Variants in ATG7 observed in about 807,000 individuals in gnomAD.
The protein encoded by ATG7 is autophagy related 7, also known as ubiquitin-like modifier-activating enzyme ATG7.
Under a neutral mutation model 82.4 loss-of-function variants are expected in ATG7, and 70 were observed. The ratio of observed to expected loss-of-function variants is 0.85; its 90% CI spans 0.70 to 1.04. The LOEUF is 1.04. Ranked by LOEUF, ATG7 falls within the 50% of genes least tolerant of loss-of-function variation. The probability of loss-of-function intolerance (pLI) is 0.00; values close to 1 mark genes in which losing one functional copy is unlikely to be tolerated. For missense variants in ATG7, 792 were observed against 864.3 expected (o/e 0.92, Z 1.05); for synonymous variants, 287 against 313.0 (o/e 0.92, Z 0.88).
At chr3:11,293,518 G>GC (rs1945300544) in intron 3 of ATG7, among the ~76,000 whole-genome samples, 1 of 125,048 alleles carries the variant, frequency 8.0e-6, no homozygotes, top group Non-Finnish European at 1.7e-5. Context: ...ATGACAGAAT[G>GC]AGACTCTGTC....
chr3:11,296,308 C>G (rs1423367188), intron 3 of ATG7, among the ~76,000 whole-genome samples: 1 of 152,174 alleles, frequency 6.6e-6, no homozygotes, highest in Non-Finnish European at 1.5e-5. Flanking sequence ...CAAGGGTCTT[C>G]TCTTTCACTC....
At chr3:11,496,243 C>T (rs1458127440) in intron 20 of ATG7, among the ~76,000 whole-genome samples, 1 of 152,236 alleles carries the variant, frequency 6.6e-6, no homozygotes, top group Non-Finnish European at 1.5e-5. Flanking sequence ...CCAAGCGTTT[C>T]CACTGCTATG....
At chr3:11,514,355 A>G (rs1162090421) in intron 20 of ATG7, among the ~76,000 whole-genome samples, 1 of 152,178 alleles carries the variant, frequency 6.6e-6, no homozygotes, top group Non-Finnish European at 1.5e-5. Context: ...TTTGCAATTC[A>G]TTTTCTTGGG....
chr3:11,331,455 G>T (rs753904614), intron 10 of ATG7, 27 bp downstream of exon 10: 2 of 1,512,388 alleles, frequency 1.3e-6, no homozygotes, highest in Non-Finnish European at 1.8e-6. Context: ...GTGTTTGTCT[G>T]TCTGTCTGCC....
intron 9 of ATG7, among the ~76,000 whole-genome samples, chr3:11,325,821 GTC>G (rs546716110): frequency 4.8e-4 from 73 of 152,168 alleles, no homozygotes; most frequent in Non-Finnish European, 8.8e-4. Context: ...GTAACTCAGT[GTC>G]TCTGTAGGAA....
At chr3:11,567,172 C>T in the ATG7 span, among the ~76,000 whole-genome samples, 13 of 152,150 alleles carry the variant, frequency 8.5e-5, no homozygotes, top group Admixed American at 7.2e-4. Flanking sequence ...CCGAGGCGTT[C>T]CGAGCCTCGG....
In ATG7 at chr3:11,463,214, C is replaced by T. The variant is rs1165170124; in HGVS notation, c.2079+36288C>T. Among the ~76,000 whole-genome samples the T allele has an allele frequency of 2.0e-5, 3 of 151,768 alleles. No individual in the cohort carries two copies. The South Asian group carries it at 6.2e-4, about 32-fold the overall frequency. On this transcript the variant is annotated intron_variant, in intron 20 of 20. Transcript: ENST00000693202. The stretch of plus-strand genomic sequence containing the variant: ...TCAGATATTTCTATCCATTGTCATA[C>T]TCCCACTCTTTCCCTAACTACTACT...
At chr3:11,375,667 C>T (rs1487299089) in intron 18 of ATG7, among the ~76,000 whole-genome samples, 2 of 152,212 alleles carry the variant, frequency 1.3e-5, no homozygotes, top group African/African-American at 4.8e-5. Context: ...TCAAGCAATT[C>T]TTCTGCCTCA....
intron 14 of ATG7, among the ~76,000 whole-genome samples, chr3:11,350,403 T>C (rs936522822): frequency 6.6e-6 from 1 of 152,218 alleles, no homozygotes; most frequent in Non-Finnish European, 1.5e-5. Context: ...TTCATGTTCA[T>C]GGGTGTGCAG....
At chr3:11,493,499 C>T (rs2090567492) in intron 20 of ATG7, among the ~76,000 whole-genome samples, 1 of 152,186 alleles carries the variant, frequency 6.6e-6, no homozygotes, top group South Asian at 2.1e-4. Flanking sequence ...CACCCTGGGC[C>T]AAGGGTTTCA....
At position 11,299,111 on chromosome 3, in the gene ATG7, G is replaced by A. The variant is rs1946392822; in HGVS notation, c.161-251G>A. Reference sequence around the variant, plus strand: ...TACCCATTACTTAGCATTGCTGTGGGAAGAGATTGGAAATATTTTTTCCAT... The same window carrying A: ...TACCCATTACTTAGCATTGCTGTGGAAAGAGATTGGAAATATTTTTTCCAT... On this transcript the variant is annotated intron_variant, in intron 4 of 20. Coordinates refer to ENST00000693202, the MANE Select transcript of ATG7 (RefSeq NM_001349232.2). The A allele has an allele frequency of 1.0e-5, 6 of 597,422 alleles. No homozygotes were observed. The South Asian group carries it at 1.4e-4, about 14-fold the overall frequency. The allele number at this position is 597,422 out of a possible 1,614,324, so 37.0% of individuals were successfully genotyped here.
At chr3:11,571,828 C>T in the ATG7 span, among the ~76,000 whole-genome samples, 8 of 152,318 alleles carry the variant, frequency 5.3e-5, no homozygotes, top group African/African-American at 7.2e-5. Context: ...GCCTATTGGC[C>T]GGGCACAGTG....
At chr3:11,347,027 A>T (rs1954655437) in intron 13 of ATG7, among the ~76,000 whole-genome samples, 1 of 152,240 alleles carries the variant, frequency 6.6e-6, no homozygotes, top group African/African-American at 2.4e-5. Context: ...TCATGGCAGG[A>T]CATCTCTTAG....
At chr3:11,357,197 G>T (rs1228662340) in intron 14 of ATG7, among the ~76,000 whole-genome samples, 1 of 152,162 alleles carries the variant, frequency 6.6e-6, no homozygotes, top group African/African-American at 2.4e-5. Context: ...GGGGTTAAAG[G>T]TACAGTTTAT....
chr3:11,551,740 GTTCTT>G (rs144584927), intron 20 of ATG7, among the ~76,000 whole-genome samples: 2,210 of 144,670 alleles, frequency 0.015, 39 homozygotes, highest in East Asian at 0.079. Flanking sequence ...AATATAATGG[GTTCTT>G]TTCTTTTCTT....
At chr3:11,385,527 C>A (rs1033990283) in intron 19 of ATG7, among the ~76,000 whole-genome samples, 4 of 152,184 alleles carry the variant, frequency 2.6e-5, no homozygotes, top group Non-Finnish European at 5.9e-5. Context: ...TTACAATAGC[C>A]ACTGTCTTCA....
At position 11,557,243 on chromosome 3, in the gene ATG7, A is replaced by T. The variant is rs1428362199; in HGVS notation, c.*2400A>T. The T allele has an allele frequency of 6.5e-6, 1 of 152,824 alleles. No individual in the cohort carries two copies. The highest frequency in any genetic ancestry group is 1.5e-5 in the Non-Finnish European group (1 of 68,048). The allele number at this position is 152,824 out of a possible 1,614,324, so 9.5% of individuals were successfully genotyped here. On this transcript the variant is annotated 3_prime_UTR_variant, in exon 21 of 21. Coordinates refer to ENST00000693202, the MANE Select transcript of ATG7 (RefSeq NM_001349232.2). ...TTAGTAGCTATTAATATAGCAAATA[A>T]TAAATGCAGTAATAACAGTATAAAG...
intron 20 of ATG7, among the ~76,000 whole-genome samples, chr3:11,465,762 C>A (rs2086770727): frequency 1.3e-5 from 2 of 151,500 alleles, no homozygotes; most frequent in Admixed American, 6.6e-5. Flanking sequence ...GACCCTGCTT[C>A]AAAAAAATAA....
chr3:11,440,295 G>T (rs148234585), intron 20 of ATG7, among the ~76,000 whole-genome samples: 2 of 148,884 alleles, frequency 1.3e-5, no homozygotes, highest in Non-Finnish European at 3.0e-5. Context: ...GCAGGTAAGA[G>T]ATAAGTCCTT....
Sources: gnomAD v4.1 joint callset for allele counts (sites outside exome capture counted in the v4.1 genomes callset) on GRCh38, gnomAD v4.1.1 for gene constraint, MANE v1.5 for transcripts, NCBI Gene and HGNC (gene_info 2026-07-23, HGNC 2026-07-21) for gene names.